Variants in EIF2B3 observed in about 807,000 individuals in gnomAD.
EIF2B3 encodes translation initiation factor eIF2B subunit gamma.
EIF2B3 carries 20 observed loss-of-function variants against 54.1 expected under a neutral mutation model. The observed-to-expected ratio is 0.37, with a 90% CI of 0.26 to 0.54. The LOEUF is 0.54. EIF2B3 is among the 20% of genes least tolerant of loss of function. The pLI is 0.86. For synonymous variants in EIF2B3, 153 were observed against 188.1 expected, an observed-to-expected ratio of 0.81 and a Z score of 1.52; for missense variants, 448 against 547.8, an observed-to-expected ratio of 0.82 and a Z score of 1.82.
rs1183862109 is a variant in EIF2B3, at chr1:44,877,189, C to T, written c.976-1494G>A. Among the ~76,000 whole-genome samples the T allele has an allele frequency of 2.2e-3, 65 of 29,488 alleles. 1 individual carries two copies. In the East Asian group the frequency reaches 0.055, roughly 25 times the overall value. 19.3% of individuals were successfully genotyped at this position (29,488 alleles called of 152,430 possible). A position where few individuals can be genotyped will look rare whatever the true frequency, so the allele number is the denominator to read the frequency against. On this transcript the variant is annotated intron_variant, in intron 8 of 11. Transcript: ENST00000360403. ...TCTGCGAGAAACACCCAAGAATGATCAATAAAAAAAAAAAAAAAAAAAAAA... is the reference window on the plus strand; with the variant it reads ...TCTGCGAGAAACACCCAAGAATGATTAATAAAAAAAAAAAAAAAAAAAAAA...
At chr1:44,984,308 C>T (rs1390162462) in intron 1 of EIF2B3, among the ~76,000 whole-genome samples, 1 of 152,102 alleles carries the variant, frequency 6.6e-6, no homozygotes, top group Non-Finnish European at 1.5e-5. Flanking sequence ...GCCTGGGCAA[C>T]ATGGTGAGAC....
chr1:44,968,008 A>G (rs1644363216), intron 3 of EIF2B3, among the ~76,000 whole-genome samples: 1 of 152,072 alleles, frequency 6.6e-6, no homozygotes, highest in Non-Finnish European at 1.5e-5. Flanking sequence ...ACTGCACTCC[A>G]GCCTGGGCGA....
At chr1:44,892,903 C>T (rs549144866) in intron 6 of EIF2B3, among the ~76,000 whole-genome samples, 52 of 152,274 alleles carry the variant, frequency 3.4e-4, no homozygotes, top group Middle Eastern at 3.4e-3. Flanking sequence ...CCAAGTACAG[C>T]CAAATCAATG....
At chr1:44,913,864 T>A (rs960516961) in intron 5 of EIF2B3, among the ~76,000 whole-genome samples, 3 of 148,058 alleles carry the variant, frequency 2.0e-5, no homozygotes, top group Non-Finnish European at 4.5e-5. Flanking sequence ...TTCACTCTTG[T>A]TGTCCAAGCT....
At chr1:44,854,009 T>A (rs980713585) in intron 11 of EIF2B3, among the ~76,000 whole-genome samples, 1 of 150,688 alleles carries the variant, frequency 6.6e-6, no homozygotes, top group African/African-American at 2.5e-5. Context: ...TTTTTTTTGT[T>A]TTTTTTTTTT....
At chr1:44,894,141 C>T (rs529339813) in intron 6 of EIF2B3, among the ~76,000 whole-genome samples, 1 of 152,268 alleles carries the variant, frequency 6.6e-6, no homozygotes, top group South Asian at 2.1e-4. Context: ...CAGGGAGGAA[C>T]ACTCAGTTAT....
intron 3 of EIF2B3, among the ~76,000 whole-genome samples, chr1:44,942,445 C>T (rs1418992727): frequency 7.9e-4 from 6 of 7,612 alleles, no homozygotes; most frequent in Non-Finnish European, 1.4e-3. Flanking sequence ...TTTTTTTTTT[C>T]CAGACAGGGT....
At chr1:44,926,872 C>A in intron 4 of EIF2B3, 133 bp from the exon 5 acceptor site, 1 of 806,086 alleles carries the variant, frequency 1.2e-6, no homozygotes, top group Non-Finnish European at 2.0e-6. Flanking sequence ...CAGTGGCTCA[C>A]GCCTGTAATC....
rs747115538 is a variant in EIF2B3 at position 44,859,818 on chromosome 1, G to A, written c.1203-2011C>T. On this transcript the variant is annotated intron_variant, in intron 10 of 11. Coordinates refer to ENST00000360403, the MANE Select transcript of EIF2B3 (RefSeq NM_020365.5). ...GTCACTCAGGCTGGAGTGCAATGGCGTGATCTCAGTTCACTGCAACCTCTG... is the reference window on the plus strand; with the variant it reads ...GTCACTCAGGCTGGAGTGCAATGGCATGATCTCAGTTCACTGCAACCTCTG... Among the ~76,000 whole-genome samples the A allele has an allele frequency of 1.2e-3, 175 of 151,994 alleles. 1 individual carries two copies. Among genetic ancestry groups the A allele is most frequent in the African/African-American group, 7.0e-4 (29 of 41,478 alleles).
Position 44,941,550 on chromosome 1 carries a change from T to G in EIF2B3, c.410A>C (p.Asp137Ala). 6.2e-7 allele frequency: 1 copy of G among 1,614,052 alleles called. No homozygotes were observed. Among genetic ancestry groups the G allele is most frequent in the Non-Finnish European group, 8.5e-7 (1 of 1,179,950 alleles). The change falls in exon 4 of 12, where the codon GAT becomes GCT. Residue 137 changes from aspartate (D) to alanine (A), a missense_variant. Transcript: ENST00000360403. ...SLAMLMRKGQ[D>A]SIEPVPGQKG... ...TTGACCGGGAACAGGTTCTATGCTA[T>G]CTTGGCCTTTTCTCATCAACATAGC... is the stretch of plus-strand genomic sequence containing the variant.
chr1:44,938,993 C>T (rs376997916), intron 4 of EIF2B3, among the ~76,000 whole-genome samples: 2 of 147,336 alleles, frequency 1.4e-5, no homozygotes, highest in East Asian at 4.2e-4. Flanking sequence ...CCCAGTTACT[C>T]GGGAGGCTGA....
intron 10 of EIF2B3, among the ~76,000 whole-genome samples, chr1:44,863,609 T>G (rs906899626): frequency 5.3e-5 from 8 of 152,152 alleles, no homozygotes; most frequent in African/African-American, 1.9e-4. Context: ...CGCCTGTGTA[T>G]CCACCAAACA....
chr1:44,865,660 CA>C (rs1654749630), intron 10 of EIF2B3, among the ~76,000 whole-genome samples: 1 of 151,902 alleles, frequency 6.6e-6, no homozygotes, highest in Non-Finnish European at 1.5e-5. Flanking sequence ...GGGCTCACTG[CA>C]ACCTCCACCT....
rs1644381612 is a variant in EIF2B3 at position 44,969,733 on chromosome 1, CAA to C, written c.294+8580_294+8581del. Among the ~76,000 whole-genome samples the C allele has an allele frequency of 2.0e-5, 3 of 152,102 alleles. No individual in the cohort carries two copies. The South Asian group carries it at 6.2e-4, about 32-fold the overall frequency. On this transcript the variant is annotated intron_variant, in intron 3 of 11. Coordinates refer to ENST00000360403, the MANE Select transcript of EIF2B3 (RefSeq NM_020365.5). ...ATGGGCAATGTTGATTACTTTTGTA[CAA>C]GTTTTAAAATTTCCATATAAGAAGT...
chr1:44,878,247 A>G (rs1054330968), intron 8 of EIF2B3, among the ~76,000 whole-genome samples: 20 of 152,080 alleles, frequency 1.3e-4, no homozygotes, highest in Admixed American at 7.2e-4. Context: ...GGTTTTCTTC[A>G]GGAGTCAATC....
intron 6 of EIF2B3, among the ~76,000 whole-genome samples, chr1:44,888,572 A>G (rs1187478710): frequency 9.2e-5 from 14 of 152,200 alleles, no homozygotes; most frequent in Admixed American, 2.6e-4. Context: ...TTAATGAGAA[A>G]AAATTCTGAG....
In EIF2B3 at chr1:44,881,758, C is replaced by G; in HGVS notation, c.657-19G>C. On this transcript the variant is annotated intron_variant, in intron 6 of 11. Coordinates refer to ENST00000360403, the MANE Select transcript of EIF2B3 (RefSeq NM_020365.5). The surrounding 1 kb of genome is among the most constrained non-coding windows in gnomAD (Gnocchi z 4.0). ...TATTGACCTAGAAAGAAAGAATGGC[C>G]AAATATGAGAAACCTGACTGTCTGG... The G allele has an allele frequency of 1.2e-6, 2 of 1,613,532 alleles. No homozygotes were observed. Among genetic ancestry groups the G allele is most frequent in the Non-Finnish European group, 1.7e-6 (2 of 1,179,714 alleles).
intron 3 of EIF2B3, among the ~76,000 whole-genome samples, chr1:44,967,403 C>A (rs1644353856): frequency 6.8e-6 from 1 of 146,960 alleles, no homozygotes. Context: ...GCCGAGATCC[C>A]ACCACTGCAC....
intron 11 of EIF2B3, among the ~76,000 whole-genome samples, chr1:44,857,303 G>A (rs1011687004): frequency 6.6e-6 from 1 of 152,170 alleles, no homozygotes; most frequent in Non-Finnish European, 1.5e-5. Context: ...GCTGAGGTGG[G>A]CAGTTCTCCT....
Sources: allele counts gnomAD v4.1 joint callset (sites outside exome capture counted in the v4.1 genomes callset), GRCh38; gene constraint gnomAD v4.1.1; non-coding constraint Gnocchi (gnomAD v3.1); transcripts MANE v1.5; gene names NCBI Gene and HGNC (gene_info 2026-07-23, HGNC 2026-07-21).